The following ACER3 variants were observed in gnomAD, a reference collection of about 807,000 sequenced individuals.
ACER3 encodes the protein alkaline ceramidase 3.
In ACER3, 16 loss-of-function variants were observed where a neutral mutation model predicts 48.9. That is an observed-to-expected ratio of 0.33 (90% CI 0.22 to 0.50). The LOEUF (loss-of-function observed/expected upper bound fraction) is 0.50. Among genes scored for constraint, ACER3 ranks in the 20% least tolerant of loss-of-function variants. The pLI, the probability that ACER3 is intolerant of heterozygous loss-of-function variation, is 0.98. For missense variants in ACER3, 227 were observed against 326.0 expected, an observed-to-expected ratio of 0.70 and a Z score of 2.34; for synonymous variants, 109 against 107.8, an observed-to-expected ratio of 1.01 and a Z score of -0.07.
In ACER3 at chr11:77,004,941, A is replaced by T. The variant is rs1949102246; in HGVS notation, c.497+6120A>T. Among the ~76,000 whole-genome samples, 4 of 152,094 alleles carry T rather than the reference A, an allele frequency of 2.6e-5. No homozygotes were observed. In the South Asian group the frequency reaches 8.3e-4, roughly 32 times the overall value. ...TGAATACAATTATTAATATATAAGA[A>T]CTTAACTGCCATTTTATTTTTTGTT... On this transcript the variant is annotated intron_variant, in intron 7 of 10. Transcript: ENST00000532485.
intron 7 of ACER3, 30 bp downstream of exon 7, chr11:76,998,851 C>A (rs1555019193): frequency 2.0e-6 from 3 of 1,529,880 alleles, no homozygotes; most frequent in Non-Finnish European, 2.7e-6. Context: ...TGCACCATGA[C>A]TGAAGTATAT....
intron 3 of ACER3, among the ~76,000 whole-genome samples, chr11:76,959,972 C>T (rs926023888): frequency 6.6e-6 from 1 of 152,090 alleles, no homozygotes; most frequent in Non-Finnish European, 1.5e-5. Context: ...GTCAAGTCCT[C>T]AGTCTTTTGA....
intron 2 of ACER3, among the ~76,000 whole-genome samples, chr11:76,930,370 A>T (rs888959769): frequency 2.0e-5 from 3 of 151,108 alleles, no homozygotes; most frequent in Admixed American, 6.6e-5. Flanking sequence ...TTCTTTATTG[A>T]TCTTGCTAGA....
At chr11:76,892,909 A>G (rs1945843405) in intron 1 of ACER3, among the ~76,000 whole-genome samples, 1 of 152,170 alleles carries the variant, frequency 6.6e-6, no homozygotes, top group African/African-American at 2.4e-5. Flanking sequence ...TTTATATAGA[A>G]AAACCTGAAG....
intron 1 of ACER3, among the ~76,000 whole-genome samples, chr11:76,863,192 A>T (rs898447008): frequency 1.3e-5 from 2 of 152,212 alleles, no homozygotes; most frequent in Admixed American, 6.5e-5. Flanking sequence ...ATGCCACTGC[A>T]CTCCAGCCTG....
At chr11:76,966,744 G>C (rs1175071466) in intron 3 of ACER3, among the ~76,000 whole-genome samples, 6 of 150,228 alleles carry the variant, frequency 4.0e-5, no homozygotes, top group Non-Finnish European at 8.8e-5. Flanking sequence ...AAATAAAGAT[G>C]TTCTTTGAAA....
At chr11:76,972,116 C>T (rs185989057) in intron 3 of ACER3, among the ~76,000 whole-genome samples, 67 of 152,224 alleles carry the variant, frequency 4.4e-4, no homozygotes, top group Admixed American at 1.2e-3. Flanking sequence ...TGTATGTTTT[C>T]AGTTTTCTTA....
chr11:76,968,602 C>T (rs1282202868), intron 3 of ACER3, among the ~76,000 whole-genome samples: 1 of 152,126 alleles, frequency 6.6e-6, no homozygotes, highest in African/African-American at 2.4e-5. Context: ...GAGATATAGA[C>T]CAATGGAACA....
chr11:77,014,985 T>G (rs782657175), intron 7 of ACER3, 31 bp from the exon 8 acceptor site: 4 of 1,341,628 alleles, frequency 3.0e-6, no homozygotes, highest in Non-Finnish European at 4.3e-6. Context: ...TGAGAAAATT[T>G]TATTTTGCTT....
At chr11:76,950,347 A>G (rs1163748589) in intron 2 of ACER3, among the ~76,000 whole-genome samples, 3 of 83,144 alleles carry the variant, frequency 3.6e-5, no homozygotes, top group Non-Finnish European at 4.8e-5. Flanking sequence ...GGAGAGTGAC[A>G]TGATCATATA....
At chr11:76,986,024 A>G (rs1165341661) in intron 5 of ACER3, among the ~76,000 whole-genome samples, 1 of 152,248 alleles carries the variant, frequency 6.6e-6, no homozygotes, top group Non-Finnish European at 1.5e-5. Context: ...ATTAGCTCCT[A>G]TTTGTTAAAA....
chr11:76,971,548 A>G (rs985860145), intron 3 of ACER3, among the ~76,000 whole-genome samples: 1 of 149,930 alleles, frequency 6.7e-6, no homozygotes, highest in Non-Finnish European at 1.5e-5. Flanking sequence ...AAAAAAAAAG[A>G]AAAAAAAACC....
Position 76,884,191 on chromosome 11 carries a change from T to C in ACER3, c.103+23112T>C, listed in dbSNP as rs560613793. ...ATTCGGCGGTAGACTCAAAGATTCC[T>C]TGCAAATTTTGGGAGCTCTTTCTCT... is the stretch of plus-strand genomic sequence containing the variant. On this transcript the variant is annotated intron_variant, in intron 1 of 10. Transcript: ENST00000532485. Among the ~76,000 whole-genome samples the C allele has an allele frequency of 1.5e-4, 23 of 152,324 alleles. No individual in the cohort carries two copies. In the South Asian group the frequency reaches 4.8e-3, roughly 32 times the overall value.
intron 2 of ACER3, among the ~76,000 whole-genome samples, chr11:76,955,074 A>G (rs772519668): frequency 1.3e-5 from 2 of 152,210 alleles, no homozygotes; most frequent in Non-Finnish European, 2.9e-5. Flanking sequence ...ATAATGAAAT[A>G]CCACTTCACA....
intron 4 of ACER3, among the ~76,000 whole-genome samples, chr11:76,983,540 C>T (rs1948629862): frequency 6.6e-6 from 1 of 152,170 alleles, no homozygotes; most frequent in Non-Finnish European, 1.5e-5. Flanking sequence ...GTCTCGAACT[C>T]CTGACCTCAA....
chr11:76,917,803 G>T (rs1468445402), intron 1 of ACER3, among the ~76,000 whole-genome samples: 2 of 149,294 alleles, frequency 1.3e-5, no homozygotes, highest in African/African-American at 4.9e-5. Context: ...CGAGGCTGCA[G>T]TAAGCCATGA....
intron 3 of ACER3, among the ~76,000 whole-genome samples, chr11:76,969,956 T>TA (rs1948250840): frequency 2.2e-5 from 2 of 92,672 alleles, no homozygotes; most frequent in Non-Finnish European, 3.4e-5. Context: ...AATAATAAAA[T>TA]TAAAAAAAAA....
At chr11:76,912,553 T>A (rs540459714) in intron 1 of ACER3, among the ~76,000 whole-genome samples, 27 of 128,424 alleles carry the variant, frequency 2.1e-4, no homozygotes, top group African/African-American at 6.9e-4. Flanking sequence ...TGTGATAATT[T>A]AAAAAAATTG....
chr11:76,969,289 G>A (rs1283381240), intron 3 of ACER3, among the ~76,000 whole-genome samples: 1 of 152,150 alleles, frequency 6.6e-6, no homozygotes. Flanking sequence ...AAAAAGTCAG[G>A]AAACAACACG....
Sources: allele counts gnomAD v4.1 joint callset (sites outside exome capture counted in the v4.1 genomes callset), GRCh38; gene constraint gnomAD v4.1.1; transcripts MANE v1.5; gene names NCBI Gene and HGNC (gene_info 2026-07-23, HGNC 2026-07-21).